WDR37: variants seen among roughly 807,000 people sequenced by gnomAD.
WDR37 encodes WD repeat-containing protein 37.
A neutral mutation model predicts 62.9 loss-of-function variants in WDR37; 19 were observed. That is an observed-to-expected ratio of 0.30 (90% confidence interval 0.21 to 0.44). WDR37 has a LOEUF of 0.44. WDR37 is among the 20% of genes least tolerant of loss of function. The pLI is 1.00. For missense variants in WDR37, 474 were observed against 657.6 expected (o/e 0.72, Z 3.05); for synonymous variants, 250 against 260.9 (o/e 0.96, Z 0.40).
chr10:1,086,350 G>A lies in WDR37; in HGVS notation c.597G>A (p.Val199=). Reference sequence around the variant, plus strand: ...GCCTAGTCAAGTACGCAGGCCACGTGGGCTCAGGTAAGCACTGCCTAAGGA... The same window carrying A: ...GCCTAGTCAAGTACGCAGGCCACGTAGGCTCAGGTAAGCACTGCCTAAGGA... ...GKCLVKYAGH[V]GSVNSIKFHP... is the part of the protein sequence containing the mutation. The change falls in exon 7 of 14, where the codon GTG becomes GTA. Residue 199 remains valine, a synonymous_variant. Transcript: ENST00000263150. The A allele has an allele frequency of 6.2e-7, 1 of 1,614,030 alleles. No individual in the cohort carries two copies. Among genetic ancestry groups the A allele is most frequent in the Non-Finnish European group, 8.5e-7 (1 of 1,179,898 alleles).
chr10:1,123,972 G>A (rs138936297), intron 11 of WDR37: 10 of 473,432 alleles, frequency 2.1e-5, no homozygotes, highest in South Asian at 3.5e-5. Context: ...TCTTCGTTCC[G>A]TTGCCTGTAG....
rs145206251 is a variant in WDR37 at position 1,102,822 on chromosome 10, G to GGT, written c.727-766_727-765dup. On this transcript the variant is annotated intron_variant, in intron 9 of 13. Transcript: ENST00000263150. ...TATGACATACCTCTCCATACTAACG[G>GGT]GTGTGTGTGTGTGTGGTCTCTCTCT... Among the ~76,000 whole-genome samples the GGT allele has an allele frequency of 8.1e-3, 1,229 of 151,826 alleles. 11 individuals are homozygous for GGT. Among genetic ancestry groups the GGT allele is most frequent in the Non-Finnish European group, 0.013 (879 of 67,872 alleles).
At chr10:1,110,510 A>C (rs1001216594) in intron 11 of WDR37, among the ~76,000 whole-genome samples, 1 of 151,700 alleles carries the variant, frequency 6.6e-6, no homozygotes, top group African/African-American at 2.4e-5. Flanking sequence ...AGAGCTGTGC[A>C]TCCGCGCCAC....
intron 1 of WDR37, among the ~76,000 whole-genome samples, chr10:1,062,299 T>G (rs1833397361): frequency 6.6e-6 from 1 of 152,194 alleles, no homozygotes; most frequent in Non-Finnish European, 1.5e-5. Flanking sequence ...GAGAACACCA[T>G]GCAACTTACG....
chr10:1,129,263 G>C lies in WDR37; in HGVS notation c.1404G>C (p.Val468=), dbSNP rs1316191738. Residue 468 remains valine (V), a synonymous_variant, in exon 14 of 14, where the codon GTG becomes GTC. Transcript: ENST00000263150. ...CCSAWSEDHP[V]CNLFTCGFDR... is the part of the protein sequence containing the mutation. ...CGGCATGGAGTGAAGACCACCCCGT[G>C]TGCAATCTGTTCACCTGTGGGTTTG... 6.2e-7 allele frequency: 1 copy of C among 1,614,184 alleles called. No homozygotes were observed. The highest frequency in any genetic ancestry group is 1.1e-5 in the South Asian group (1 of 91,086).
chr10:1,069,389 A>ATATATTTTTTT, intron 1 of WDR37, among the ~76,000 whole-genome samples: 10 of 95,806 alleles, frequency 1.0e-4, no homozygotes, highest in African/African-American at 4.2e-4. Context: ...ATATATATAT[A>ATATATTTTTTT]TTTTTTTTTT....
chr10:1,122,595 A>G (rs899906379), intron 11 of WDR37, among the ~76,000 whole-genome samples: 14 of 152,280 alleles, frequency 9.2e-5, no homozygotes, highest in African/African-American at 2.9e-4. Flanking sequence ...GCAGTGGATC[A>G]TGCCTGGATT....
At chr10:1,115,721 C>T (rs1299204870) in intron 11 of WDR37, among the ~76,000 whole-genome samples, 1 of 152,180 alleles carries the variant, frequency 6.6e-6, no homozygotes, top group African/African-American at 2.4e-5. Context: ...GTCTCTAAAT[C>T]AGTTTGCTTT....
Position 1,069,370 on chromosome 10 carries a change from A to AATATATATATATAT in WDR37, c.-40-2739_-40-2726dup, listed in dbSNP as rs1351085134. On this transcript the variant is annotated intron_variant, in intron 1 of 13. Transcript: ENST00000263150. ...TAGTAATAGTAAAAAAATTGGAAAG[A>AATATATATATATAT]ATATATATATATATATATATTTTTT... Among the ~76,000 whole-genome samples, 302 of 81,318 alleles carry AATATATATATATAT rather than the reference A, an allele frequency of 3.7e-3. 6 individuals are homozygous for AATATATATATATAT. Among genetic ancestry groups the AATATATATATATAT allele is most frequent in the Non-Finnish European group, 5.0e-3 (219 of 43,640 alleles). 53.3% of individuals were successfully genotyped at this position (81,318 alleles called of 152,430 possible).
At chr10:1,093,558 T>C in intron 8 of WDR37, 62 bp downstream of exon 8, 1 of 1,332,706 alleles carries the variant, frequency 7.5e-7, no homozygotes, top group South Asian at 1.3e-5. Flanking sequence ...ACTATAAATA[T>C]TCCTTTCTTA....
intron 6 of WDR37, 90 bp downstream of exon 6, chr10:1,084,628 A>C: frequency 6.4e-7 from 1 of 1,553,652 alleles, no homozygotes; most frequent in Non-Finnish European, 8.7e-7. Context: ...TGGCAGAGGA[A>C]CCCTAGATGC....
At chr10:1,068,573 AAG>A (rs1554822731) in intron 1 of WDR37, among the ~76,000 whole-genome samples, 1 of 152,160 alleles carries the variant, frequency 6.6e-6, no homozygotes, top group Non-Finnish European at 1.5e-5. Flanking sequence ...ATTTTCATAA[AAG>A]AGTAATGACA....
At chr10:1,096,326 G>T in intron 9 of WDR37, 80 bp downstream of exon 9, 1 of 1,496,002 alleles carries the variant, frequency 6.7e-7, no homozygotes. Flanking sequence ...TATCTGTCAT[G>T]GACGGAATGT....
At chr10:1,078,489 G>A (rs532099120) in intron 3 of WDR37, among the ~76,000 whole-genome samples, 13 of 152,144 alleles carry the variant, frequency 8.5e-5, no homozygotes, top group Admixed American at 5.2e-4. Flanking sequence ...CAAGCCCATC[G>A]CACTCTTCAA....
intron 9 of WDR37, among the ~76,000 whole-genome samples, chr10:1,098,991 C>CT (rs1405305625): frequency 6.6e-6 from 1 of 152,204 alleles, no homozygotes; most frequent in Admixed American, 6.5e-5. Flanking sequence ...TCTGGTGTAT[C>CT]TTTCATGGAC....
rs1189172773 is a variant in WDR37 at position 1,103,067 on chromosome 10, G to A, written c.727-535G>A. Among the ~76,000 whole-genome samples the A allele has an allele frequency of 6.6e-6, 1 of 152,220 alleles. No individual in the cohort carries two copies. The highest frequency in any genetic ancestry group is 1.5e-5 in the Non-Finnish European group (1 of 68,042). Reference sequence around the variant, plus strand: ...GGATGAATATACAGATTTTCTTACAGAGCTGGCTGTAATGTGTTTGTTTTA... The same window carrying A: ...GGATGAATATACAGATTTTCTTACAAAGCTGGCTGTAATGTGTTTGTTTTA... On this transcript the variant is annotated intron_variant, in intron 9 of 13. Coordinates refer to ENST00000263150, the MANE Select transcript of WDR37 (RefSeq NM_014023.4). The surrounding 1 kb of genome is among the most constrained non-coding windows in gnomAD (Gnocchi z 6.3).
At chr10:1,065,695 G>A (rs2131606648) in intron 1 of WDR37, among the ~76,000 whole-genome samples, 1 of 152,264 alleles carries the variant, frequency 6.6e-6, no homozygotes. Context: ...TTGATAAACA[G>A]CACCTACAAA....
In WDR37 at chr10:1,130,621, A is replaced by T. The variant is rs1384807143; in HGVS notation, c.*1277A>T. 1 of 152,232 alleles carries T rather than the reference A, an allele frequency of 6.6e-6. No individual in the cohort carries two copies. Among genetic ancestry groups the T allele is most frequent in the African/African-American group, 2.4e-5 (1 of 41,446 alleles). 9.4% of individuals were successfully genotyped at this position (152,232 alleles called of 1,614,324 possible). ...CTCATTTCCTGTGTCTTGTATATTCAGTCCTTTCAATACGTCCACCTGGAG... is the reference window on the plus strand; with the variant it reads ...CTCATTTCCTGTGTCTTGTATATTCTGTCCTTTCAATACGTCCACCTGGAG... On this transcript the variant is annotated 3_prime_UTR_variant, in exon 14 of 14. Transcript: ENST00000263150.
At chr10:1,094,770 CAT>C (rs1305240407) in intron 8 of WDR37, among the ~76,000 whole-genome samples, 1 of 150,996 alleles carries the variant, frequency 6.6e-6, no homozygotes, top group Admixed American at 6.6e-5. Flanking sequence ...GACTAGGAAA[CAT>C]GAGGTAATGG....
Sources: allele counts gnomAD v4.1 joint callset (sites outside exome capture counted in the v4.1 genomes callset), GRCh38; gene constraint gnomAD v4.1.1; non-coding constraint Gnocchi (gnomAD v3.1); transcripts MANE v1.5; gene names NCBI Gene and HGNC (gene_info 2026-07-23, HGNC 2026-07-21).